PTPRG: variants seen among roughly 807,000 people sequenced by gnomAD.
PTPRG encodes the protein receptor-type tyrosine-protein phosphatase gamma.
A neutral mutation model predicts 165.3 loss-of-function variants in PTPRG; 102 were observed. The observed-to-expected ratio is 0.62, with a 90% CI of 0.53 to 0.73. The LOEUF is 0.73. Ranked by LOEUF, PTPRG falls within the 30% of genes least tolerant of loss-of-function variation. The pLI is 0.00. For missense variants in PTPRG, 1,866 were observed against 1,861.4 expected, an observed-to-expected ratio of 1.00 and a Z score of -0.05; for synonymous variants, 675 against 669.5, an observed-to-expected ratio of 1.01 and a Z score of -0.13.
chr3:61,833,450 T>G (rs2107301860), intron 2 of PTPRG, among the ~76,000 whole-genome samples: 1 of 152,294 alleles, frequency 6.6e-6, no homozygotes, highest in South Asian at 2.1e-4. Flanking sequence ...ATTCCAGACC[T>G]AAGCGAGAGT....
chr3:61,564,494 G>T (rs1283446817), intron 1 of PTPRG, among the ~76,000 whole-genome samples: 1 of 152,118 alleles, frequency 6.6e-6, no homozygotes, highest in Non-Finnish European at 1.5e-5. Context: ...TTCTTTTCGC[G>T]CCCACGCTGC....
chr3:61,736,938 A>G (rs1358078002), intron 1 of PTPRG, among the ~76,000 whole-genome samples: 1 of 152,222 alleles, frequency 6.6e-6, no homozygotes, highest in African/African-American at 2.4e-5. Context: ...ATTGACTGCC[A>G]TGTTGGTTCT....
intron 2 of PTPRG, among the ~76,000 whole-genome samples, chr3:61,861,130 A>G (rs1376726998): frequency 6.6e-6 from 1 of 152,210 alleles, no homozygotes; most frequent in Non-Finnish European, 1.5e-5. Flanking sequence ...GAAGATATCA[A>G]TCATTGGTTT....
intron 3 of PTPRG, among the ~76,000 whole-genome samples, chr3:62,000,946 C>T (rs1263232668): frequency 3.9e-5 from 6 of 152,190 alleles, no homozygotes; most frequent in South Asian, 2.1e-4. Context: ...TAATTATCAC[C>T]ATTTGAACAG....
chr3:62,036,972 C>T lies in PTPRG; in HGVS notation c.519+33475C>T, dbSNP rs73839635. On this transcript the variant is annotated intron_variant, in intron 4 of 29. Transcript: ENST00000474889. ...CCTACCTCCCTCAGTGCTGCACGTG[C>T]GCGCGCGCACGCACACACACACACA... Among the ~76,000 whole-genome samples the T allele has an allele frequency of 5.4e-3, 554 of 102,174 alleles. 6 individuals are homozygous for T. Among genetic ancestry groups the T allele is most frequent in the African/African-American group, 0.019 (495 of 25,424 alleles). 67.0% of individuals were successfully genotyped at this position (102,174 alleles called of 152,430 possible). A position where few individuals can be genotyped will look rare whatever the true frequency, so the allele number is the denominator to read the frequency against.
intron 1 of PTPRG, among the ~76,000 whole-genome samples, chr3:61,661,558 A>T (rs1263610382): frequency 6.6e-6 from 1 of 152,186 alleles, no homozygotes; most frequent in East Asian, 1.9e-4. Context: ...GAGCCATTTT[A>T]TCATGCTATA....
At chr3:62,186,907 C>T (rs1022900912) in intron 8 of PTPRG, among the ~76,000 whole-genome samples, 3 of 152,098 alleles carry the variant, frequency 2.0e-5, no homozygotes, top group African/African-American at 7.2e-5. Flanking sequence ...GGGGGCTGGC[C>T]AGAGATGCGT....
intron 2 of PTPRG, among the ~76,000 whole-genome samples, chr3:61,957,650 T>G (rs930596717): frequency 3.3e-5 from 5 of 152,220 alleles, no homozygotes; most frequent in Non-Finnish European, 5.9e-5. Context: ...TGGTGTCATT[T>G]AGTAGCTTCT....
intron 12 of PTPRG, among the ~76,000 whole-genome samples, chr3:62,207,824 T>G (rs1700266045): frequency 6.6e-6 from 1 of 152,050 alleles, no homozygotes. Context: ...AGAAACCAGT[T>G]AATACTAATG....
intron 26 of PTPRG, among the ~76,000 whole-genome samples, chr3:62,277,915 C>T (rs1318834821): frequency 6.6e-6 from 1 of 152,080 alleles, no homozygotes; most frequent in Non-Finnish European, 1.5e-5. Context: ...ATTGTACTGT[C>T]TGTGGCGGTG....
chr3:62,225,202 A>G (rs1237284358), intron 13 of PTPRG, among the ~76,000 whole-genome samples: 1 of 152,242 alleles, frequency 6.6e-6, no homozygotes, highest in Non-Finnish European at 1.5e-5. Context: ...ACTGCATTCC[A>G]AGAGCTTCGC....
intron 7 of PTPRG, among the ~76,000 whole-genome samples, chr3:62,159,031 A>G (rs1704643495): frequency 6.6e-6 from 1 of 152,080 alleles, no homozygotes; most frequent in South Asian, 2.1e-4. Flanking sequence ...TTTGTCTTGA[A>G]AGATTGAAAG....
At chr3:61,571,551 A>T (rs970995626) in intron 1 of PTPRG, among the ~76,000 whole-genome samples, 2 of 152,182 alleles carry the variant, frequency 1.3e-5, no homozygotes, top group African/African-American at 4.8e-5. Flanking sequence ...GGTTACGTTG[A>T]AGAGATGACC....
intron 2 of PTPRG, among the ~76,000 whole-genome samples, chr3:61,767,705 A>G (rs2034070997): frequency 6.6e-6 from 1 of 152,176 alleles, no homozygotes; most frequent in South Asian, 2.1e-4. Context: ...ATAATGGCTC[A>G]TGCCTATAAT....
chr3:61,869,289 C>T (rs1183044990), intron 2 of PTPRG, among the ~76,000 whole-genome samples: 1 of 152,084 alleles, frequency 6.6e-6, no homozygotes, highest in Non-Finnish European at 1.5e-5. Context: ...GGTACAAATC[C>T]TTGGGTGTGG....
rs1223563425 is a variant in PTPRG, at chr3:62,228,450, G to T, written c.2289-2775G>T. On this transcript the variant is annotated intron_variant, in intron 13 of 29. Coordinates refer to ENST00000474889, the MANE Select transcript of PTPRG (RefSeq NM_002841.4). This position sits in a 1 kb window ranked among gnomAD's most constrained non-coding sequence, Gnocchi z 4.1. ...GGCAGAGAATTGCTTAAAATCAGAGGATGCAGTAGGTGGAGATCACGCCAT... is the reference window on the plus strand; with the variant it reads ...GGCAGAGAATTGCTTAAAATCAGAGTATGCAGTAGGTGGAGATCACGCCAT... Among the ~76,000 whole-genome samples the T allele has an allele frequency of 6.6e-6, 1 of 151,136 alleles. No individual in the cohort carries two copies. The highest frequency in any genetic ancestry group is 6.6e-5 in the Admixed American group (1 of 15,152).
intron 2 of PTPRG, among the ~76,000 whole-genome samples, chr3:61,776,019 T>A (rs1427231097): frequency 6.6e-6 from 1 of 151,626 alleles, no homozygotes; most frequent in Non-Finnish European, 1.5e-5. Flanking sequence ...ATGGCACATG[T>A]ATGCATATGT....
At chr3:61,641,375 G>A (rs1488401390) in intron 1 of PTPRG, among the ~76,000 whole-genome samples, 5 of 152,142 alleles carry the variant, frequency 3.3e-5, no homozygotes, top group African/African-American at 4.8e-5. Context: ...AGGGCAAGAC[G>A]CCCAGCACAT....
intron 4 of PTPRG, among the ~76,000 whole-genome samples, chr3:62,010,370 TTGTGTGTG>T (rs35894531): frequency 2.3e-4 from 35 of 149,464 alleles, no homozygotes; most frequent in Non-Finnish European, 4.3e-4. Context: ...CCCTCTCTTC[TTGTGTGTG>T]TGTGTGTGTG....
Sources: allele counts gnomAD v4.1 joint callset (sites outside exome capture counted in the v4.1 genomes callset), GRCh38; gene constraint gnomAD v4.1.1; non-coding constraint Gnocchi (gnomAD v3.1); transcripts MANE v1.5; gene names NCBI Gene and HGNC (gene_info 2026-07-23, HGNC 2026-07-21).